BLTP3B: variants seen among roughly 807,000 people sequenced by gnomAD.
BLTP3B encodes the protein bridge-like lipid transfer protein family member 3B, also known as UHRF1 (ICBP90) binding protein 1-like.
At chr12:100,108,362 A>C in the BLTP3B span, 1 of 1,595,648 alleles carries the variant, frequency 6.3e-7, no homozygotes, top group South Asian at 1.2e-5. Flanking sequence ...CACAAATATC[A>C]AGCCACAGAT....
the BLTP3B span, chr12:100,058,177 T>C: frequency 1.0e-4 from 165 of 1,613,186 alleles, no homozygotes; most frequent in Non-Finnish European, 1.3e-4. Context: ...CTAGTTAAAG[T>C]ACTTGAAAGT....
the BLTP3B span, among the ~76,000 whole-genome samples, chr12:100,062,009 A>G: frequency 6.6e-6 from 1 of 152,178 alleles, no homozygotes; most frequent in Non-Finnish European, 1.5e-5. Context: ...GTCCATTATG[A>G]CTCATATTCT....
chr12:100,124,445 T>C, the BLTP3B span, among the ~76,000 whole-genome samples: 1 of 150,770 alleles, frequency 6.6e-6, no homozygotes, highest in Admixed American at 6.6e-5. Flanking sequence ...CTACAAAATA[T>C]TAAAAAAAAT....
chr12:100,062,450 AC>A, the BLTP3B span, among the ~76,000 whole-genome samples: 2 of 152,262 alleles, frequency 1.3e-5, no homozygotes, highest in Non-Finnish European at 2.9e-5. Flanking sequence ...GGTGCAACAT[AC>A]TATATTCTCT....
At chr12:100,114,723 G>T in the BLTP3B span, among the ~76,000 whole-genome samples, 1 of 152,164 alleles carries the variant, frequency 6.6e-6, no homozygotes, top group African/African-American at 2.4e-5. Context: ...AAGTACTTTG[G>T]CTTGGATCAC....
the BLTP3B span, chr12:100,058,232 T>C: frequency 9.9e-6 from 16 of 1,612,496 alleles, no homozygotes; most frequent in Non-Finnish European, 1.4e-5. Context: ...TATTCGAATC[T>C]TCTCTGTAGT....
the BLTP3B span, chr12:100,050,098 T>C: frequency 7.6e-7 from 1 of 1,309,074 alleles, no homozygotes; most frequent in Non-Finnish European, 1.0e-6. Flanking sequence ...GGATTGCTGG[T>C]GAGACATATA....
At chr12:100,047,544 G>A in the BLTP3B span, 1 of 1,609,408 alleles carries the variant, frequency 6.2e-7, no homozygotes, top group Non-Finnish European at 8.5e-7. Flanking sequence ...GATATGAAAA[G>A]AGCCATCGTC....
chr12:100,111,626 G>C, the BLTP3B span, among the ~76,000 whole-genome samples: 1 of 151,054 alleles, frequency 6.6e-6, no homozygotes, highest in Admixed American at 6.6e-5. Flanking sequence ...GTTTTGTTTT[G>C]AGACAGTCTT....
At chr12:100,108,431 T>C in the BLTP3B span, 11 of 1,613,404 alleles carry the variant, frequency 6.8e-6, no homozygotes, top group African/African-American at 1.2e-4. Flanking sequence ...TAGCAAGCCA[T>C]GTTGGCAAAT....
chr12:100,063,200 A>G, the BLTP3B span, among the ~76,000 whole-genome samples: 2 of 152,144 alleles, frequency 1.3e-5, no homozygotes, highest in Admixed American at 1.3e-4. Context: ...AGACCCTCTG[A>G]AAGAAGCAGA....
At chr12:100,110,863 C>T in the BLTP3B span, among the ~76,000 whole-genome samples, 1 of 152,100 alleles carries the variant, frequency 6.6e-6, no homozygotes, top group Admixed American at 6.6e-5. Context: ...GGATGGACAA[C>T]AGACTAATCT....
At chr12:100,083,902 G>A in the BLTP3B span, among the ~76,000 whole-genome samples, 2 of 152,128 alleles carry the variant, frequency 1.3e-5, no homozygotes, top group Admixed American at 6.5e-5. Context: ...AAAATACTTG[G>A]CTTAGGCCGG....
the BLTP3B span, chr12:100,037,550 A>T: frequency 6.5e-7 from 1 of 1,549,728 alleles, no homozygotes; most frequent in South Asian, 1.2e-5. Context: ...TGAAAATAAA[A>T]GTCTTCCCCT....
chr12:100,096,466 A>G, the BLTP3B span, among the ~76,000 whole-genome samples: 2 of 152,178 alleles, frequency 1.3e-5, no homozygotes, highest in East Asian at 3.8e-4. Context: ...TGAAATTATA[A>G]GACAGTAAAT....
the BLTP3B span, among the ~76,000 whole-genome samples, chr12:100,109,622 T>C: frequency 1.5e-4 from 23 of 152,044 alleles, no homozygotes; most frequent in Admixed American, 1.5e-3. Flanking sequence ...AAATATTAGC[T>C]GGGCATGTTG....
At chr12:100,047,485 G>A in the BLTP3B span, 2 of 1,455,436 alleles carry the variant, frequency 1.4e-6, no homozygotes, top group Non-Finnish European at 9.6e-7. Flanking sequence ...GGCAACAAGA[G>A]CAAAATTCCA....
At chr12:100,082,969 G>T in the BLTP3B span, 1 of 1,369,284 alleles carries the variant, frequency 7.3e-7, no homozygotes, top group Non-Finnish European at 1.0e-6. Context: ...GCTTAGATGA[G>T]ATACTAAAGT....
chr12:100,109,164 CTCT>C, the BLTP3B span, among the ~76,000 whole-genome samples: 1 of 19,028 alleles, frequency 5.3e-5, no homozygotes, highest in South Asian at 1.4e-3. Flanking sequence ...GTTTTCCTCT[CTCT>C]CTCTCTCTCT....
Sources: gnomAD v4.1 joint callset for allele counts (sites outside exome capture counted in the v4.1 genomes callset) on GRCh38, gnomAD v4.1.1 for gene constraint, MANE v1.5 for transcripts, NCBI Gene and HGNC (gene_info 2026-07-23, HGNC 2026-07-21) for gene names.